Variants in SNTG1 observed in about 807,000 individuals in gnomAD.
The protein encoded by SNTG1 is syntrophin gamma 1, also known as gamma-1-syntrophin.
Under a neutral mutation model 74.7 loss-of-function variants are expected in SNTG1, and 39 were observed. The ratio of observed to expected loss-of-function variants is 0.52; its 90% CI spans 0.40 to 0.68. The LOEUF (loss-of-function observed/expected upper bound fraction) is 0.68. Among genes scored for constraint, SNTG1 ranks in the 30% least tolerant of loss-of-function variants. SNTG1 has a pLI of 0.00. For synonymous variants in SNTG1, 254 were observed against 217.1 expected (o/e 1.17, Z -1.49); for missense variants, 685 against 609.5 (o/e 1.12, Z -1.30).
At chr8:49,949,865 C>T (rs1010998907) in intron 1 of SNTG1, among the ~76,000 whole-genome samples, 5 of 152,190 alleles carry the variant, frequency 3.3e-5, no homozygotes, top group East Asian at 1.9e-4. Flanking sequence ...CTTGGCCAGG[C>T]GCAGTGGCCC....
At chr8:50,297,377 A>G (rs1486413698) in intron 2 of SNTG1, among the ~76,000 whole-genome samples, 1 of 152,208 alleles carries the variant, frequency 6.6e-6, no homozygotes, top group African/African-American at 2.4e-5. Context: ...TCACAGATAG[A>G]TGGCTCATTC....
At chr8:50,613,414 A>G (rs1231412036) in intron 13 of SNTG1, among the ~76,000 whole-genome samples, 13 of 152,224 alleles carry the variant, frequency 8.5e-5, no homozygotes, top group African/African-American at 2.7e-4. Flanking sequence ...ATAAATTGCA[A>G]TAACACTTTT....
At chr8:50,164,243 C>T (rs1395539536) in intron 1 of SNTG1, 1 of 152,076 alleles carries the variant, frequency 6.6e-6, no homozygotes, top group African/African-American at 2.4e-5. Context: ...TACTCTGCTG[C>T]TATTCAGATG....
At chr8:50,583,725 T>C (rs1192200089) in intron 12 of SNTG1, among the ~76,000 whole-genome samples, 2 of 152,010 alleles carry the variant, frequency 1.3e-5, no homozygotes, top group Non-Finnish European at 2.9e-5. Context: ...TTTTTTTTTT[T>C]TTTCTGCTAG....
intron 12 of SNTG1, among the ~76,000 whole-genome samples, chr8:50,558,592 A>C (rs934860042): frequency 1.3e-5 from 2 of 151,408 alleles, no homozygotes; most frequent in African/African-American, 2.4e-5. Context: ...TTTGCATTTT[A>C]TCTAGTGCAT....
intron 1 of SNTG1, among the ~76,000 whole-genome samples, chr8:50,141,867 A>T (rs1222351740): frequency 6.6e-6 from 1 of 152,110 alleles, no homozygotes; most frequent in Non-Finnish European, 1.5e-5. Flanking sequence ...ATAATTTAAT[A>T]ATATTGAAAA....
intron 2 of SNTG1, among the ~76,000 whole-genome samples, chr8:50,204,665 A>G (rs914248905): frequency 6.6e-6 from 1 of 152,036 alleles, no homozygotes; most frequent in Non-Finnish European, 1.5e-5. Flanking sequence ...GGTGTGCTGC[A>G]CCTGTTAACT....
Position 50,466,523 on chromosome 8 carries a change from C to G in SNTG1, c.363+15794C>G, listed in dbSNP as rs568997576. Among the ~76,000 whole-genome samples the G allele has an allele frequency of 3.3e-5, 5 of 152,040 alleles. No individual in the cohort carries two copies. The South Asian group carries it at 1.0e-3, about 32-fold the overall frequency. On this transcript the variant is annotated intron_variant, in intron 8 of 18. Coordinates refer to ENST00000642720, the MANE Select transcript of SNTG1 (RefSeq NM_018967.5). ...CCAATATTCTGTTGCAATTTAAAGT[C>G]TTTTGCTGTTTCATATACATTTTAA...
intron 15 of SNTG1, among the ~76,000 whole-genome samples, chr8:50,686,634 T>C (rs1217435320): frequency 6.6e-6 from 1 of 152,142 alleles, no homozygotes; most frequent in Non-Finnish European, 1.5e-5. Flanking sequence ...TTATTTACAA[T>C]TATTTAAAAA....
At chr8:50,551,676 A>G (rs1563563049) in intron 11 of SNTG1, among the ~76,000 whole-genome samples, 1 of 152,202 alleles carries the variant, frequency 6.6e-6, no homozygotes, top group Non-Finnish European at 1.5e-5. Flanking sequence ...TTTTCATTCA[A>G]TGTGTATGCT....
intron 2 of SNTG1, among the ~76,000 whole-genome samples, chr8:50,304,349 C>T (rs1413185367): frequency 6.6e-6 from 1 of 152,180 alleles, no homozygotes; most frequent in Non-Finnish European, 1.5e-5. Context: ...CTTTATAAAT[C>T]ACCCTGTTTG....
At chr8:50,067,313 T>C (rs1820979244) in intron 1 of SNTG1, among the ~76,000 whole-genome samples, 1 of 152,200 alleles carries the variant, frequency 6.6e-6, no homozygotes, top group Non-Finnish European at 1.5e-5. Flanking sequence ...AAAATTGAAC[T>C]ATTAATTTAC....
intron 2 of SNTG1, among the ~76,000 whole-genome samples, chr8:50,325,242 G>A (rs2090698242): frequency 6.6e-6 from 1 of 151,190 alleles, no homozygotes; most frequent in African/African-American, 2.4e-5. Flanking sequence ...GAATCAGTGT[G>A]GTAATATTCA....
chr8:50,262,937 A>G (rs2087269682), intron 2 of SNTG1, among the ~76,000 whole-genome samples: 1 of 152,186 alleles, frequency 6.6e-6, no homozygotes, highest in Non-Finnish European at 1.5e-5. Context: ...ATTAGAGGAA[A>G]GAGAGAGATG....
rs765635223 is a variant in SNTG1 at position 50,449,745 on chromosome 8, G to C, written c.277+20G>C. On this transcript the variant is annotated intron_variant, in intron 6 of 18. Coordinates refer to ENST00000642720, the MANE Select transcript of SNTG1 (RefSeq NM_018967.5). ...AAAGAGGTAATATGTTTAGAGAATT[G>C]TGTACCAGCCATTTCTTTAAGGCAT... is the stretch of plus-strand genomic sequence containing the variant. 1.3e-6 allele frequency: 2 copies of C among 1,550,442 alleles called. No individual in the cohort carries two copies. The highest frequency in any genetic ancestry group is 3.7e-5 in the Admixed American group (2 of 54,172).
chr8:50,710,863 A>G (rs2095459646), intron 17 of SNTG1, among the ~76,000 whole-genome samples: 1 of 152,236 alleles, frequency 6.6e-6, no homozygotes, highest in Admixed American at 6.5e-5. Context: ...ACTCAAGGAA[A>G]GCACCAGAGG....
At chr8:50,460,000 G>GATT (rs2093545334) in intron 8 of SNTG1, among the ~76,000 whole-genome samples, 1 of 152,180 alleles carries the variant, frequency 6.6e-6, no homozygotes, top group Non-Finnish European at 1.5e-5. Context: ...TCTGTAAAAT[G>GATT]ATTTGTTTTA....
At chr8:50,200,074 G>T (rs1225139489) in intron 2 of SNTG1, among the ~76,000 whole-genome samples, 1 of 152,076 alleles carries the variant, frequency 6.6e-6, no homozygotes, top group African/African-American at 2.4e-5. Flanking sequence ...TTTTAGAAAG[G>T]TGTATGTGAC....
intron 1 of SNTG1, among the ~76,000 whole-genome samples, chr8:50,008,061 A>ATT (rs1453842792): frequency 4.9e-4 from 74 of 152,242 alleles, no homozygotes; most frequent in Non-Finnish European, 8.2e-4. Flanking sequence ...TCCCTCCCTC[A>ATT]ACACATGGTA....
Sources: allele counts gnomAD v4.1 joint callset (sites outside exome capture counted in the v4.1 genomes callset), GRCh38; gene constraint gnomAD v4.1.1; transcripts MANE v1.5; gene names NCBI Gene and HGNC (gene_info 2026-07-23, HGNC 2026-07-21).